The following ROR2 variants were observed in gnomAD, a reference collection of about 807,000 sequenced individuals.
ROR2 encodes tyrosine-protein kinase transmembrane receptor ROR2.
A neutral mutation model predicts 74.9 loss-of-function variants in ROR2; 33 were observed. The observed-to-expected ratio is 0.44, with a 90% CI of 0.33 to 0.59. The LOEUF is 0.59. ROR2 is among the 20% of genes least tolerant of loss of function. The pLI, the probability that ROR2 is intolerant of heterozygous loss-of-function variation, is 0.02. For missense variants in ROR2, 1,216 were observed against 1,313.8 expected (o/e 0.93, Z 1.15); for synonymous variants, 586 against 558.7 (o/e 1.05, Z -0.69).
At chr9:91,902,420 C>T (rs551547894) in intron 1 of ROR2, among the ~76,000 whole-genome samples, 1 of 152,206 alleles carries the variant, frequency 6.6e-6, no homozygotes, top group East Asian at 1.9e-4. Flanking sequence ...CTGCTTGTAC[C>T]TCTCACAGCC....
At chr9:91,768,777 C>T (rs1365191945) in intron 2 of ROR2, among the ~76,000 whole-genome samples, 2 of 152,102 alleles carry the variant, frequency 1.3e-5, no homozygotes, top group African/African-American at 2.4e-5. Context: ...AACTCTGCCC[C>T]GAATAACCAA....
At chr9:91,927,176 C>T (rs1348478130) in intron 1 of ROR2, among the ~76,000 whole-genome samples, 2 of 152,194 alleles carry the variant, frequency 1.3e-5, no homozygotes, top group African/African-American at 4.8e-5. Context: ...TCTTTCAAGA[C>T]CCAAACTGCG....
At chr9:91,747,434 C>A (rs1825459283) in intron 4 of ROR2, among the ~76,000 whole-genome samples, 1 of 152,232 alleles carries the variant, frequency 6.6e-6, no homozygotes, top group Non-Finnish European at 1.5e-5. Context: ...GAGTTAGCAA[C>A]CATCAGAGTT....
At chr9:91,858,641 A>C (rs1343959919) in intron 1 of ROR2, among the ~76,000 whole-genome samples, 1 of 152,166 alleles carries the variant, frequency 6.6e-6, no homozygotes, top group Non-Finnish European at 1.5e-5. Flanking sequence ...GAGTTGAAAA[A>C]CAAGATCACA....
chr9:91,808,412 A>ATC (rs1368097746), intron 1 of ROR2, among the ~76,000 whole-genome samples: 1 of 151,902 alleles, frequency 6.6e-6, no homozygotes, highest in South Asian at 2.1e-4. Context: ...AGGCGGGCGG[A>ATC]AGAGGTCAGG....
intron 4 of ROR2, among the ~76,000 whole-genome samples, chr9:91,739,107 GC>G (rs1449051167): frequency 6.6e-6 from 1 of 152,326 alleles, no homozygotes; most frequent in Non-Finnish European, 1.5e-5. Flanking sequence ...CAAGCCTGTA[GC>G]TTGTTTTCCA....
At chr9:91,810,953 T>C (rs1827730453) in intron 1 of ROR2, among the ~76,000 whole-genome samples, 1 of 152,198 alleles carries the variant, frequency 6.6e-6, no homozygotes. Flanking sequence ...GTGGTATCGA[T>C]TCTGGTGTCA....
intron 1 of ROR2, among the ~76,000 whole-genome samples, chr9:91,824,503 A>G (rs1563983897): frequency 6.6e-6 from 1 of 152,244 alleles, no homozygotes; most frequent in African/African-American, 2.4e-5. Context: ...GGTCTACTTC[A>G]TAGTGGCAAA....
At chr9:91,927,562 CT>C (rs775823582) in intron 1 of ROR2, among the ~76,000 whole-genome samples, 14,486 of 94,810 alleles carry the variant, frequency 0.15, 795 homozygotes, top group African/African-American at 0.36. Flanking sequence ...TTTCTAGATT[CT>C]TTTTTTTTTT....
intron 1 of ROR2, among the ~76,000 whole-genome samples, chr9:91,778,599 T>C (rs891271319): frequency 1.3e-5 from 2 of 152,150 alleles, no homozygotes; most frequent in African/African-American, 2.4e-5. Context: ...TGAGAGGAGA[T>C]TCATCTGTCC....
intron 1 of ROR2, among the ~76,000 whole-genome samples, chr9:91,817,778 G>A (rs1372943343): frequency 6.6e-6 from 1 of 151,944 alleles, no homozygotes; most frequent in South Asian, 2.1e-4. Flanking sequence ...CAGTGATTAA[G>A]ATTTACTTAG....
At chr9:91,852,717 C>G (rs1829145717) in intron 1 of ROR2, among the ~76,000 whole-genome samples, 1 of 152,002 alleles carries the variant, frequency 6.6e-6, no homozygotes, top group African/African-American at 2.4e-5. Context: ...GGCCAAGGCA[C>G]TGTCTTCAAA....
chr9:91,909,847 G>GTTTTTTGT (rs1564032282), intron 1 of ROR2, among the ~76,000 whole-genome samples: 37 of 53,602 alleles, frequency 6.9e-4, no homozygotes, highest in South Asian at 1.0e-3. Flanking sequence ...GGTTTGTTTT[G>GTTTTTTGT]TTTTTTTTTT....
Position 91,723,585 on chromosome 9 carries a change from G to A in ROR2, c.*77C>T. 6.4e-7 allele frequency: 1 copy of A among 1,571,676 alleles called. No individual in the cohort carries two copies. Among genetic ancestry groups the A allele is most frequent in the African/African-American group, 1.4e-5 (1 of 73,930 alleles). ...GGCTCTTGTGATTGCTGAGTATGGT[G>A]TCTTCTCAAAGGTGACTGAGGTCCC... On this transcript the variant is annotated 3_prime_UTR_variant, in exon 9 of 9. Coordinates refer to ENST00000375708, the MANE Select transcript of ROR2 (RefSeq NM_004560.4).
intron 1 of ROR2, among the ~76,000 whole-genome samples, chr9:91,883,787 A>G (rs1391113434): frequency 6.6e-6 from 1 of 152,194 alleles, no homozygotes; most frequent in Non-Finnish European, 1.5e-5. Flanking sequence ...GCAGGAAGTT[A>G]GTGAATCATT....
At chr9:91,762,730 T>C (rs1172205610) in intron 2 of ROR2, among the ~76,000 whole-genome samples, 1 of 152,232 alleles carries the variant, frequency 6.6e-6, no homozygotes, top group Non-Finnish European at 1.5e-5. Context: ...TATTTGCTAG[T>C]TGATTTCACC....
rs35146225 is a variant in ROR2, at chr9:91,735,606, CTTTTTTTTTTTTTTTTTT to C, written c.622+1767_622+1784del. Among the ~76,000 whole-genome samples the C allele has an allele frequency of 4.3e-4, 34 of 79,012 alleles. 2 individuals are homozygous for C. In the South Asian group the frequency reaches 7.7e-3, roughly 18 times the overall value. The allele number at this position is 79,012 out of a possible 152,430, so 51.8% of individuals were successfully genotyped here. On this transcript the variant is annotated intron_variant, in intron 5 of 8. Transcript: ENST00000375708. ...GCACGGTTCCTACTAAGGGCTCTAA[CTTTTTTTTTTTTTTTTTT>C]TTTTTTTTTTTTTTTTTTTGAGACA...
chr9:91,812,049 C>T (rs375014204), intron 1 of ROR2, among the ~76,000 whole-genome samples: 5 of 128,694 alleles, frequency 3.9e-5, no homozygotes, highest in Non-Finnish European at 4.7e-5. Flanking sequence ...AGCTGATGAG[C>T]TTAAAAAAAT....
chr9:91,919,207 G>A (rs1831209941), intron 1 of ROR2, among the ~76,000 whole-genome samples: 1 of 152,160 alleles, frequency 6.6e-6, no homozygotes, highest in South Asian at 2.1e-4. Flanking sequence ...ATAAACATTC[G>A]TAATTGCTAC....
Sources: allele counts gnomAD v4.1 joint callset (sites outside exome capture counted in the v4.1 genomes callset), GRCh38; gene constraint gnomAD v4.1.1; transcripts MANE v1.5; gene names NCBI Gene and HGNC (gene_info 2026-07-23, HGNC 2026-07-21).